ZNF718: variants seen among roughly 807,000 people sequenced by gnomAD.
ZNF718 encodes zinc finger protein 718.
ZNF718 carries 3 observed loss-of-function variants against 2.6 expected under a neutral mutation model. The ratio of observed to expected loss-of-function variants is 1.16; its 90% CI spans 0.53 to 3.01. ZNF718 has a LOEUF of 3.01. ZNF718 is among the 30% of genes most tolerant of loss of function. The probability of loss-of-function intolerance (pLI) is 0.03; values close to 1 mark genes in which losing one functional copy is unlikely to be tolerated. For missense variants in ZNF718, 468 were observed against 230.0 expected, an observed-to-expected ratio of 2.03 and a Z score of -6.69; for synonymous variants, 135 against 77.9, an observed-to-expected ratio of 1.73 and a Z score of -3.86.
chr4:163,332 G>C lies in ZNF718; in HGVS notation c.*1210G>C. 1 of 151,660 alleles carries C rather than the reference G, an allele frequency of 6.6e-6. No individual in the cohort carries two copies. The highest frequency in any genetic ancestry group is 1.9e-4 in the East Asian group (1 of 5,176). 9.4% of individuals were successfully genotyped at this position (151,660 alleles called of 1,614,324 possible). A position where few individuals can be genotyped will look rare whatever the true frequency, so the allele number is the denominator to read the frequency against. On this transcript the variant is annotated 3_prime_UTR_variant, in exon 4 of 4. Transcript: ENST00000510175. ...GCCTCCCAAGTAGCTGGGACTACAGGCGCCCGCCACTACGCCCGGCTAATT... is the reference window on the plus strand; with the variant it reads ...GCCTCCCAAGTAGCTGGGACTACAGCCGCCCGCCACTACGCCCGGCTAATT...
rs1291569309 is a variant in ZNF718 at position 162,143 on chromosome 4, C to G, written c.*21C>G. 4.4e-6 allele frequency: 3 copies of G among 689,646 alleles called. No homozygotes were observed. Among genetic ancestry groups the G allele is most frequent in the South Asian group, 3.5e-5 (2 of 57,840 alleles). The allele number at this position is 689,646 out of a possible 1,614,324, so 42.7% of individuals were successfully genotyped here. A position where few individuals can be genotyped will look rare whatever the true frequency, so the allele number is the denominator to read the frequency against. ...TTTAGAAATGTGAAGAATGTGGGAG[C>G]CTTTAAGTCTTCCTCAGTCTTTTCT... is the stretch of plus-strand genomic sequence containing the variant. On this transcript the variant is annotated 3_prime_UTR_variant, in exon 4 of 4. Transcript: ENST00000510175.
chr4:134,304 G>A (rs1260394016), intron 3 of ZNF718, among the ~76,000 whole-genome samples: 1 of 151,984 alleles, frequency 6.6e-6, no homozygotes, highest in Non-Finnish European at 1.5e-5. Flanking sequence ...CCGCCACCAC[G>A]CCCGGCTAAT....
chr4:193,441 A>G (rs1256028334), intron 3 of ZNF718, among the ~76,000 whole-genome samples: 3 of 152,138 alleles, frequency 2.0e-5, no homozygotes, highest in African/African-American at 7.2e-5. Context: ...CAGTCTGTAT[A>G]TAGATTTACC....
At chr4:133,177 T>TAAAAAAAAAA (rs1189716766) in intron 3 of ZNF718, among the ~76,000 whole-genome samples, 2 of 12,534 alleles carry the variant, frequency 1.6e-4, no homozygotes, top group African/African-American at 2.8e-4. Flanking sequence ...GACTCCATCT[T>TAAAAAAAAAA]AAAAAAAAAA....
At chr4:159,703 A>G (rs1387540684) in intron 3 of ZNF718, among the ~76,000 whole-genome samples, 3 of 146,820 alleles carry the variant, frequency 2.0e-5, no homozygotes, top group African/African-American at 7.9e-5. Flanking sequence ...TATAAATTGT[A>G]TATGTTTCTA....
At chr4:198,291 C>T (rs546885486) in intron 3 of ZNF718, among the ~76,000 whole-genome samples, 3 of 152,290 alleles carry the variant, frequency 2.0e-5, no homozygotes, top group East Asian at 3.9e-4. Context: ...AGGGGGTCCA[C>T]GTCATCCAGC....
At position 171,824 on chromosome 4, in the gene ZNF718, C is replaced by G. The variant is rs143585666; in HGVS notation, c.227-29257C>G. ...GGCAATGCCTCGCCCTGCTTCAGCT[C>G]AAGCTTGGTGCGCTGCACCCACTGT... On this transcript the variant is annotated intron_variant and NMD_transcript_variant, in intron 3 of 4. Transcript: ENST00000642529. Among the ~76,000 whole-genome samples, 35 of 152,312 alleles carry G rather than the reference C, an allele frequency of 2.3e-4. 1 individual carries two copies. Among genetic ancestry groups the G allele is most frequent in the Non-Finnish European group, 3.7e-4 (25 of 68,028 alleles).
At position 193,606 on chromosome 4, in the gene ZNF718, A is replaced by G. The variant is rs189744593; in HGVS notation, c.227-7475A>G. Among the ~76,000 whole-genome samples, 17 of 152,270 alleles carry G rather than the reference A, an allele frequency of 1.1e-4. No homozygotes were observed. In the East Asian group the frequency reaches 1.4e-3, roughly 12 times the overall value. On this transcript the variant is annotated intron_variant and NMD_transcript_variant, in intron 3 of 4. Transcript: ENST00000642529. ...AACTTAGTGGCTCAGAGAAGTATCTAGTGACTGTCTGTCCTAGGAACCCTT... is the reference window on the plus strand; with the variant it reads ...AACTTAGTGGCTCAGAGAAGTATCTGGTGACTGTCTGTCCTAGGAACCCTT...
chr4:194,515 A>G (rs976009072), intron 3 of ZNF718, among the ~76,000 whole-genome samples: 12 of 152,124 alleles, frequency 7.9e-5, no homozygotes, highest in African/African-American at 2.4e-4. Flanking sequence ...TTGTTATCCT[A>G]TCTTTGACCT....
intron 3 of ZNF718, among the ~76,000 whole-genome samples, chr4:177,327 C>T (rs965390906): frequency 6.6e-6 from 1 of 152,146 alleles, no homozygotes; most frequent in Non-Finnish European, 1.5e-5. Context: ...GACACACTGA[C>T]TGCAGCTCAG....
intron 3 of ZNF718, among the ~76,000 whole-genome samples, chr4:170,997 A>G (rs1717213141): frequency 1.3e-5 from 2 of 151,840 alleles, no homozygotes; most frequent in African/African-American, 4.8e-5. Context: ...TTGGTCTTTG[A>G]TGATGGTGAT....
chr4:156,626 T>C (rs1553813716), intron 3 of ZNF718, among the ~76,000 whole-genome samples: 3 of 152,210 alleles, frequency 2.0e-5, no homozygotes, highest in East Asian at 1.9e-4. Flanking sequence ...ACCATGTATT[T>C]CTGTTTTCTG....
chr4:194,961 G>T (rs1340933800), intron 3 of ZNF718, among the ~76,000 whole-genome samples: 2 of 152,124 alleles, frequency 1.3e-5, no homozygotes, highest in Admixed American at 1.3e-4. Flanking sequence ...AATTAGTTAT[G>T]CTCACCAATG....
At chr4:200,281 G>C (rs1236413498) in intron 3 of ZNF718, among the ~76,000 whole-genome samples, 1 of 152,174 alleles carries the variant, frequency 6.6e-6, no homozygotes, top group African/African-American at 2.4e-5. Context: ...GTTTGTTTTT[G>C]AGACAGAGTC....
chr4:132,955 G>T lies in ZNF718; in HGVS notation c.226+1450G>T, dbSNP rs1715382181. Among the ~76,000 whole-genome samples the T allele has an allele frequency of 2.0e-5, 2 of 97,812 alleles. 1 individual carries two copies. Among genetic ancestry groups the T allele is most frequent in the Non-Finnish European group, 4.4e-5 (2 of 45,126 alleles). 64.2% of individuals were successfully genotyped at this position (97,812 alleles called of 152,430 possible). On this transcript the variant is annotated intron_variant, in intron 3 of 3. Transcript: ENST00000510175. ...AGCACTTTGGGAGACCGAGGGGGCAGATCATGAGGTCAGGAGTTAGAGACC... is the reference window on the plus strand; with the variant it reads ...AGCACTTTGGGAGACCGAGGGGGCATATCATGAGGTCAGGAGTTAGAGACC...
intron 3 of ZNF718, among the ~76,000 whole-genome samples, chr4:135,193 G>T (rs1397687569): frequency 1.3e-5 from 2 of 148,490 alleles, no homozygotes; most frequent in Non-Finnish European, 3.0e-5. Context: ...AGTGAGCTGA[G>T]ATTGCACCAC....
At chr4:199,804 G>A (rs1717863367) in intron 3 of ZNF718, among the ~76,000 whole-genome samples, 1 of 152,132 alleles carries the variant, frequency 6.6e-6, no homozygotes, top group African/African-American at 2.4e-5. Flanking sequence ...GATGGTGCTT[G>A]TTCCCCTAAC....
At chr4:124,896 C>T (rs1367277481) in intron 1 of ZNF718, 3 of 528,874 alleles carry the variant, frequency 5.7e-6, no homozygotes, top group Non-Finnish European at 9.9e-6. Flanking sequence ...TGCACTTTCC[C>T]CGGGCTGTGG....
At chr4:157,329 G>A (rs923599950) in intron 3 of ZNF718, among the ~76,000 whole-genome samples, 2 of 151,796 alleles carry the variant, frequency 1.3e-5, no homozygotes, top group Admixed American at 6.6e-5. Flanking sequence ...GGTCAGGCTG[G>A]TCTTGAGCTC....
Sources: allele counts gnomAD v4.1 joint callset (sites outside exome capture counted in the v4.1 genomes callset), GRCh38; gene constraint gnomAD v4.1.1; transcripts MANE v1.5; gene names NCBI Gene and HGNC (gene_info 2026-07-23, HGNC 2026-07-21).